The following FBXW8 variants were observed in gnomAD, a reference collection of about 807,000 sequenced individuals.
The protein encoded by FBXW8 is F-box/WD repeat-containing protein 8.
FBXW8 carries 57 observed loss-of-function variants against 65.3 expected under a neutral mutation model. The observed-to-expected ratio is 0.87, with a 90% CI of 0.71 to 1.09. The LOEUF (loss-of-function observed/expected upper bound fraction) is 1.09, where lower values mean the gene tolerates loss of function less well. Ranked by LOEUF, FBXW8 falls within the 50% of genes least tolerant of loss-of-function variation. The pLI is 0.00. For synonymous variants in FBXW8, 308 were observed against 330.2 expected (o/e 0.93, Z 0.73); for missense variants, 777 against 814.8 (o/e 0.95, Z 0.57).
chr12:116,960,570 A>C (rs1883919673), intron 4 of FBXW8, among the ~76,000 whole-genome samples: 1 of 152,184 alleles, frequency 6.6e-6, no homozygotes, highest in African/African-American at 2.4e-5. Context: ...GTTTTTATTC[A>C]GTTTGGAAAT....
intron 3 of FBXW8, among the ~76,000 whole-genome samples, chr12:116,946,452 G>A (rs377731562): frequency 3.9e-5 from 6 of 152,086 alleles, no homozygotes; most frequent in Non-Finnish European, 5.9e-5. Context: ...CGTTTTGTGC[G>A]GGGCTGTCCT....
chr12:116,995,814 T>C (rs997721543), intron 7 of FBXW8, among the ~76,000 whole-genome samples: 12 of 152,208 alleles, frequency 7.9e-5, no homozygotes, highest in Non-Finnish European at 1.8e-4. Flanking sequence ...TGTCATGCTG[T>C]GGTGCAAAAG....
At chr12:116,935,879 A>C (rs902086321) in intron 2 of FBXW8, among the ~76,000 whole-genome samples, 2 of 152,236 alleles carry the variant, frequency 1.3e-5, no homozygotes, top group Admixed American at 6.5e-5. Flanking sequence ...AATTAAAAGC[A>C]ATGCTAATTT....
chr12:116,985,530 C>G, intron 6 of FBXW8, 128 bp downstream of exon 6: 1 of 850,446 alleles, frequency 1.2e-6, no homozygotes, highest in South Asian at 1.9e-5. Context: ...CTCCATAAGT[C>G]TAACTACAGC....
At chr12:116,968,153 G>A (rs186749554) in intron 5 of FBXW8, among the ~76,000 whole-genome samples, 1 of 152,206 alleles carries the variant, frequency 6.6e-6, no homozygotes, top group East Asian at 1.9e-4. Flanking sequence ...AAAAGTGAGT[G>A]GGGTTATTTT....
intron 7 of FBXW8, among the ~76,000 whole-genome samples, chr12:116,998,107 C>T (rs1327047367): frequency 5.3e-5 from 8 of 152,190 alleles, no homozygotes; most frequent in Non-Finnish European, 1.2e-4. Context: ...GTGTGAGCCA[C>T]CGCGCCTGGC....
At chr12:117,024,896 C>T (rs1251043323) in intron 9 of FBXW8, among the ~76,000 whole-genome samples, 1 of 152,216 alleles carries the variant, frequency 6.6e-6, no homozygotes, top group African/African-American at 2.4e-5. Context: ...TCATTTCCAC[C>T]TTTAACACCA....
At chr12:116,957,525 AAAAT>A (rs1238789992) in intron 4 of FBXW8, among the ~76,000 whole-genome samples, 5 of 152,338 alleles carry the variant, frequency 3.3e-5, no homozygotes, top group African/African-American at 1.2e-4. Flanking sequence ...GTATGTGTGA[AAAAT>A]AAATACTGCC....
At position 116,917,077 on chromosome 12, in the gene FBXW8, A is replaced by G. The variant is rs1254060773; in HGVS notation, c.318+5722A>G. On this transcript the variant is annotated intron_variant, in intron 1 of 10. Transcript: ENST00000652555. The stretch of plus-strand genomic sequence containing the variant: ...GAAGTCTGCATAGGTCATGTTTGTT[A>G]TTCTCATGTGGCCAAGTCCAGAGTC... Among the ~76,000 whole-genome samples, 8 of 152,242 alleles carry G rather than the reference A, an allele frequency of 5.3e-5. No homozygotes were observed. The East Asian group carries it at 1.5e-3, about 29-fold the overall frequency.
rs997465003 is a variant in FBXW8, at chr12:116,936,993, C to T, written c.424-8371C>T. ...GGGACAAGGACAGCAGCAAGGAGAC[C>T]AGTTAGGAGGCCACTGAAGTAATCC... On this transcript the variant is annotated intron_variant, in intron 2 of 10. Transcript: ENST00000652555. The surrounding 1 kb of genome is among the most constrained non-coding windows in gnomAD (Gnocchi z 4.6). Among the ~76,000 whole-genome samples, 5 of 151,972 alleles carry T rather than the reference C, an allele frequency of 3.3e-5. No individual in the cohort carries two copies.
chr12:116,945,361 T>C lies in FBXW8; in HGVS notation c.424-3T>C, dbSNP rs1318216133. 1.2e-6 allele frequency: 2 copies of C among 1,608,664 alleles called. No individual in the cohort carries two copies. The highest frequency in any genetic ancestry group is 1.7e-6 in the Non-Finnish European group (2 of 1,176,852). On this transcript the variant is annotated splice_polypyrimidine_tract_variant and splice_region_variant and intron_variant, in intron 2 of 10. Coordinates refer to ENST00000652555, the MANE Select transcript of FBXW8 (RefSeq NM_153348.3). ...GACATTTGTGTCACTTCTGCTGTTT[T>C]AGGTGAGCAAGACGTGGAAGGTGAT...
At chr12:116,940,083 C>G (rs1882454098) in intron 2 of FBXW8, among the ~76,000 whole-genome samples, 1 of 152,200 alleles carries the variant, frequency 6.6e-6, no homozygotes. Context: ...TTCCTGAGCC[C>G]TTAAGGCTAA....
At chr12:117,027,296 G>C in intron 9 of FBXW8, 98 bp from the exon 10 acceptor site, 1 of 885,328 alleles carries the variant, frequency 1.1e-6, no homozygotes, top group Admixed American at 1.9e-5. Flanking sequence ...AGCTTTATGG[G>C]TTCTAGAATC....
chr12:117,012,357 G>A (rs1044147742), intron 8 of FBXW8, among the ~76,000 whole-genome samples: 2 of 151,974 alleles, frequency 1.3e-5, no homozygotes, highest in African/African-American at 2.4e-5. Context: ...TTGGAGGTGG[G>A]GCATCCAAAT....
intron 3 of FBXW8, among the ~76,000 whole-genome samples, chr12:116,946,431 G>A (rs1183557481): frequency 6.6e-6 from 1 of 152,136 alleles, no homozygotes; most frequent in Non-Finnish European, 1.5e-5. Context: ...GACATTTGGG[G>A]CCAGCTAATT....
At chr12:116,995,120 T>C (rs1052757089) in intron 7 of FBXW8, among the ~76,000 whole-genome samples, 1 of 152,228 alleles carries the variant, frequency 6.6e-6, no homozygotes. Flanking sequence ...TTAGAGTGAA[T>C]GACTAGAACA....
chr12:117,004,646 G>A (rs537974469), intron 7 of FBXW8, among the ~76,000 whole-genome samples: 4 of 152,318 alleles, frequency 2.6e-5, no homozygotes, highest in Non-Finnish European at 4.4e-5. Context: ...AGGCAGACAC[G>A]TTTCTGGGTA....
intron 7 of FBXW8, among the ~76,000 whole-genome samples, chr12:116,999,373 C>G (rs530712190): frequency 6.6e-6 from 1 of 152,356 alleles, no homozygotes; most frequent in South Asian, 2.1e-4. Flanking sequence ...CTGAATTCCT[C>G]ATCCAGATTT....
At chr12:116,977,396 A>C (rs1197006061) in intron 5 of FBXW8, 1 of 152,178 alleles carries the variant, frequency 6.6e-6, no homozygotes, top group Non-Finnish European at 1.5e-5. Flanking sequence ...GTAAAACACA[A>C]ATTAACGTAT....
Sources: gnomAD v4.1 joint callset for allele counts (sites outside exome capture counted in the v4.1 genomes callset) on GRCh38, gnomAD v4.1.1 for gene constraint, Gnocchi (gnomAD v3.1) non-coding constraint, MANE v1.5 for transcripts, NCBI Gene and HGNC (gene_info 2026-07-23, HGNC 2026-07-21) for gene names.